The following SYCP2 variants were observed in gnomAD, a reference collection of about 807,000 sequenced individuals.
SYCP2 encodes the protein synaptonemal complex protein 2, also known as synaptonemal complex lateral element protein.
A neutral mutation model predicts 211.3 loss-of-function variants in SYCP2; 55 were observed. That is an observed-to-expected ratio of 0.26 (90% CI 0.21 to 0.33). The LOEUF (loss-of-function observed/expected upper bound fraction) is 0.33, where lower values mean the gene tolerates loss of function less well. Ranked by LOEUF, SYCP2 falls within the 10% of genes least tolerant of loss-of-function variation. The probability of loss-of-function intolerance (pLI) is 1.00; values close to 1 mark genes in which losing one functional copy is unlikely to be tolerated. For missense variants in SYCP2, 1,731 were observed against 1,752.0 expected (o/e 0.99, Z 0.21); for synonymous variants, 570 against 555.2 (o/e 1.03, Z -0.37).
intron 15 of SYCP2, among the ~76,000 whole-genome samples, chr20:59,906,829 T>C (rs2060222554): frequency 2.6e-5 from 4 of 151,548 alleles, no homozygotes. Context: ...CAATAAAAAA[T>C]GAACAAAATA....
intron 15 of SYCP2, among the ~76,000 whole-genome samples, chr20:59,905,375 G>A (rs184317043): frequency 2.0e-5 from 3 of 152,224 alleles, no homozygotes; most frequent in Admixed American, 1.3e-4. Context: ...TCACTAACAG[G>A]TGACTACAGA....
intron 14 of SYCP2, among the ~76,000 whole-genome samples, chr20:59,908,894 CAT>C (rs771212762): frequency 5.3e-5 from 8 of 152,140 alleles, no homozygotes; most frequent in East Asian, 1.9e-4. Flanking sequence ...ATTGAATCCA[CAT>C]GTCACGCTCT....
chr20:59,900,788 C>T lies in SYCP2; in HGVS notation c.1213G>A (p.Ala405Thr), dbSNP rs1414703616. 2 of 1,612,412 alleles carry T rather than the reference C, an allele frequency of 1.2e-6. No individual in the cohort carries two copies. Among genetic ancestry groups the T allele is most frequent in the East Asian group, 4.5e-5 (2 of 44,808 alleles). Residue 405 changes from alanine to threonine, a missense_variant, in exon 17 of 45, where the codon GCC becomes ACC. This residue lies in a region of SYCP2 where 1,387 missense variants were observed against 1,351.3 expected (regional missense o/e 1.03). Coordinates refer to ENST00000357552, the MANE Select transcript of SYCP2 (RefSeq NM_014258.4). ...ESIRKQGISV[A>T]KTSLHILFDA... ...AAAAGTATATGCAGCGACGTTTTGG[C>T]AACTGAAATACCTTGTTTTCTGATA...
chr20:59,927,511 C>T (rs2060655697), intron 2 of SYCP2, among the ~76,000 whole-genome samples: 1 of 151,988 alleles, frequency 6.6e-6, no homozygotes, highest in South Asian at 2.1e-4. Context: ...AATCTTCTTC[C>T]AGGGTCAACA....
chr20:59,895,033 G>A (rs2059980596), intron 20 of SYCP2, among the ~76,000 whole-genome samples: 1 of 151,990 alleles, frequency 6.6e-6, no homozygotes, highest in South Asian at 2.1e-4. Flanking sequence ...TCCTATATGT[G>A]TAAATCTGAG....
rs137871382 is a variant in SYCP2 at position 59,932,649 on chromosome 20, G to A, written c.-139-495C>T. On this transcript the variant is annotated intron_variant, in intron 1 of 44. Transcript: ENST00000357552. ...AGATCGCACCACTAAACTCCAGCCT[G>A]GGTGACAGAGCGAGACTCCGTCTCG... Among the ~76,000 whole-genome samples, 7 of 152,272 alleles carry A rather than the reference G, an allele frequency of 4.6e-5. No individual in the cohort carries two copies. In the South Asian group the frequency reaches 8.3e-4, roughly 18 times the overall value.
In SYCP2 at chr20:59,902,668, A is replaced by C. The variant is rs1022824249; in HGVS notation, c.1034-858T>G. 3.9e-5 allele frequency among the ~76,000 whole-genome samples: 6 copies of C among 152,268 alleles called. No homozygotes were observed. The East Asian group carries it at 9.6e-4, about 24-fold the overall frequency. Reference sequence around the variant, plus strand: ...GTCCTATAGGCTATGAAATGTCCTGATTCTTATGAGGCCTGCCCAAGCAGA... The same window carrying C: ...GTCCTATAGGCTATGAAATGTCCTGCTTCTTATGAGGCCTGCCCAAGCAGA... On this transcript the variant is annotated intron_variant, in intron 15 of 44. Transcript: ENST00000357552.
intron 15 of SYCP2, among the ~76,000 whole-genome samples, chr20:59,905,396 AGT>A (rs1439404193): frequency 6.6e-6 from 1 of 152,232 alleles, no homozygotes; most frequent in East Asian, 1.9e-4. Context: ...AACCAGTTGA[AGT>A]ATATCTATAC....
chr20:59,886,333 T>C (rs1248688203), intron 25 of SYCP2, among the ~76,000 whole-genome samples: 1 of 152,088 alleles, frequency 6.6e-6, no homozygotes, highest in African/African-American at 2.4e-5. Flanking sequence ...AAGAATGTAC[T>C]ATTTACTACA....
intron 38 of SYCP2, 54 bp downstream of exon 38, chr20:59,868,359 T>C: frequency 1.9e-6 from 3 of 1,562,338 alleles, no homozygotes; most frequent in Non-Finnish European, 2.6e-6. Flanking sequence ...ATTCAAAATA[T>C]AAGAACCACC....
In SYCP2 at chr20:59,881,424, TA is replaced by T; in HGVS notation, c.2714+12del. 7.0e-7 allele frequency: 1 copy of T among 1,419,634 alleles called. No individual in the cohort carries two copies. The highest frequency in any genetic ancestry group is 9.7e-7 in the Non-Finnish European group (1 of 1,035,286). The allele number at this position is 1,419,634 out of a possible 1,614,324, so 87.9% of individuals were successfully genotyped here. On this transcript the variant is annotated intron_variant, in intron 29 of 44. Transcript: ENST00000357552. Reference sequence around the variant, plus strand: ...AAAAGATCAGAATATTTTAATCTAATAAAAATACCTACAATCTAATTGACCT... The same window carrying T: ...AAAAGATCAGAATATTTTAATCTAATAAAATACCTACAATCTAATTGACCT...
chr20:59,915,746 C>T (rs915445604), intron 8 of SYCP2, 196 bp from the exon 9 acceptor site: 2 of 381,426 alleles, frequency 5.2e-6, no homozygotes, highest in Non-Finnish European at 9.4e-6. Context: ...ATAATACCAG[C>T]ACTTTGGGAG....
chr20:59,899,575 C>T (rs1323259260), intron 18 of SYCP2, among the ~76,000 whole-genome samples: 1 of 152,062 alleles, frequency 6.6e-6, no homozygotes, highest in African/African-American at 2.4e-5. Flanking sequence ...GAAAGTTTTT[C>T]TAATGTAGTA....
At chr20:59,909,875 A>T (rs893022184) in intron 14 of SYCP2, among the ~76,000 whole-genome samples, 10 of 152,228 alleles carry the variant, frequency 6.6e-5, no homozygotes, top group Admixed American at 2.0e-4. Context: ...TTGTGAGGCT[A>T]CTTTATATTG....
At chr20:59,911,481 T>C (rs908438980) in intron 14 of SYCP2, among the ~76,000 whole-genome samples, 10 of 152,212 alleles carry the variant, frequency 6.6e-5, no homozygotes, top group African/African-American at 2.4e-4. Context: ...ATTTTAACTG[T>C]CATAAATTAA....
At chr20:59,888,231 C>T (rs1220135154) in intron 24 of SYCP2, among the ~76,000 whole-genome samples, 1 of 151,980 alleles carries the variant, frequency 6.6e-6, no homozygotes, top group Non-Finnish European at 1.5e-5. Context: ...CCCATAAACA[C>T]ATACACAAAA....
At chr20:59,900,372 A>G in intron 17 of SYCP2, 88 bp from the exon 18 acceptor site, 1 of 1,107,166 alleles carries the variant, frequency 9.0e-7, no homozygotes, top group Non-Finnish European at 1.3e-6. Flanking sequence ...GCTCCTACTC[A>G]TCTCACATAT....
chr20:59,877,961 A>G lies in SYCP2; in HGVS notation c.2979+47T>C, dbSNP rs1269720596. Reference sequence around the variant, plus strand: ...TGATGAATTATTTTTATATGGCAAGAAAAAATAATTTTAAAGGGATGTTTG... The same window carrying G: ...TGATGAATTATTTTTATATGGCAAGGAAAAATAATTTTAAAGGGATGTTTG... On this transcript the variant is annotated intron_variant, in intron 32 of 44. Transcript: ENST00000357552. 4 of 1,455,788 alleles carry G rather than the reference A, an allele frequency of 2.7e-6. No homozygotes were observed. In the African/African-American group the frequency reaches 5.7e-5, roughly 21 times the overall value. 90.2% of individuals were successfully genotyped at this position (1,455,788 alleles called of 1,614,324 possible).
chr20:59,927,135 T>G (rs1024913400), intron 2 of SYCP2, among the ~76,000 whole-genome samples: 25 of 152,144 alleles, frequency 1.6e-4, no homozygotes, highest in Non-Finnish European at 3.2e-4. Flanking sequence ...GTAATGAGAT[T>G]TGTTGAGAAT....
Sources: allele counts gnomAD v4.1 joint callset (sites outside exome capture counted in the v4.1 genomes callset), GRCh38; gene constraint gnomAD v4.1.1; regional missense constraint gnomAD v4.1.1; transcripts MANE v1.5; gene names NCBI Gene and HGNC (gene_info 2026-07-23, HGNC 2026-07-21).